Variants in PSTPIP2 observed in about 807,000 individuals in gnomAD.
PSTPIP2 encodes the protein proline-serine-threonine phosphatase-interacting protein 2.
PSTPIP2 carries 33 observed loss-of-function variants against 63.3 expected under a neutral mutation model. The observed-to-expected ratio is 0.52, with a 90% CI of 0.40 to 0.70. The LOEUF (loss-of-function observed/expected upper bound fraction) is 0.70, where lower values mean the gene tolerates loss of function less well. PSTPIP2 is among the 30% of genes least tolerant of loss of function. PSTPIP2 has a pLI of 0.00. For synonymous variants in PSTPIP2, 125 were observed against 132.7 expected (o/e 0.94, Z 0.40); for missense variants, 312 against 400.7 (o/e 0.78, Z 1.89).
intron 1 of PSTPIP2, among the ~76,000 whole-genome samples, chr18:46,058,663 A>C (rs894079030): frequency 2.0e-5 from 3 of 152,152 alleles, no homozygotes; most frequent in Non-Finnish European, 4.4e-5. Context: ...CTGGCCCTAC[A>C]TTCCTAGTTT....
intron 1 of PSTPIP2, among the ~76,000 whole-genome samples, chr18:46,070,596 C>T (rs919039221): frequency 6.6e-6 from 1 of 152,218 alleles, no homozygotes; most frequent in Non-Finnish European, 1.5e-5. Context: ...TCACTGCAAC[C>T]TCAAACTCCT....
intron 6 of PSTPIP2, 98 bp from the exon 7 acceptor site, chr18:45,999,632 G>A (rs554164802): frequency 1.7e-4 from 203 of 1,160,540 alleles, no homozygotes; most frequent in African/African-American, 9.4e-4. Context: ...GGACAGGGCC[G>A]TCTGATTAGT....
chr18:46,013,614 G>C (rs4890613), intron 4 of PSTPIP2, among the ~76,000 whole-genome samples: 2 of 151,742 alleles, frequency 1.3e-5, no homozygotes, highest in Non-Finnish European at 2.9e-5. Context: ...TGAATTCCAA[G>C]TTGCAGTTAT....
rs552189665 is a variant in PSTPIP2 at position 46,029,309 on chromosome 18, A to G, written c.135-4623T>C. ...GCATTGCTGGGTATTTGCATTTGCT[A>G]TCGATGAAGACCAAAGAACTGATTG... is the stretch of plus-strand genomic sequence containing the variant. On this transcript the variant is annotated intron_variant, in intron 2 of 14. Transcript: ENST00000409746. The G allele has an allele frequency of 4.2e-5, 64 of 1,521,852 alleles. No individual in the cohort carries two copies. In the South Asian group the frequency reaches 6.2e-4, roughly 15 times the overall value. The allele number at this position is 1,521,852 out of a possible 1,614,324, so 94.3% of individuals were successfully genotyped here.
Position 46,060,604 on chromosome 18 carries a change from C to T in PSTPIP2, c.33+11552G>A, listed in dbSNP as rs564399627. ...AGCTGTGGCTGCCATTGGCTGGTGG[C>T]CTTGCCCTCTCCATTTTCTGTTCTC... On this transcript the variant is annotated intron_variant, in intron 1 of 14. Transcript: ENST00000409746. Among the ~76,000 whole-genome samples the T allele has an allele frequency of 7.5e-3, 1,144 of 152,328 alleles. 3 individuals carry two copies. Among genetic ancestry groups the T allele is most frequent in the Non-Finnish European group, 0.011 (773 of 68,038 alleles).
rs146247277 is a variant in PSTPIP2 at position 46,017,686 on chromosome 18, C to T, written c.213-1749G>A. On this transcript the variant is annotated intron_variant, in intron 3 of 14. Transcript: ENST00000409746. ...TATATTTATCATGTACAAAATGATG[C>T]TTTGAAATATGTACTTTGTGGAATG... Among the ~76,000 whole-genome samples, 814 of 151,934 alleles carry T rather than the reference C, an allele frequency of 5.4e-3. 9 individuals are homozygous for T. The highest frequency in any genetic ancestry group is 0.014 in the Middle Eastern group (4 of 294).
At chr18:46,025,663 T>C (rs1907552075) in intron 2 of PSTPIP2, among the ~76,000 whole-genome samples, 1 of 149,856 alleles carries the variant, frequency 6.7e-6, no homozygotes, top group Non-Finnish European at 1.5e-5. Flanking sequence ...TCCTGAGTTA[T>C]TTCCAGTTTT....
chr18:46,026,744 G>A (rs1394995070), intron 2 of PSTPIP2, among the ~76,000 whole-genome samples: 1 of 152,056 alleles, frequency 6.6e-6, no homozygotes, highest in African/African-American at 2.4e-5. Context: ...TGAAATAAAC[G>A]GGTGTGGTGG....
At chr18:46,070,928 T>A (rs1909371162) in intron 1 of PSTPIP2, among the ~76,000 whole-genome samples, 1 of 152,150 alleles carries the variant, frequency 6.6e-6, no homozygotes, top group South Asian at 2.1e-4. Flanking sequence ...CCAGTTTGTA[T>A]TATACAGAGC....
At chr18:46,013,819 T>A (rs2051825592) in intron 4 of PSTPIP2, among the ~76,000 whole-genome samples, 1 of 152,040 alleles carries the variant, frequency 6.6e-6, no homozygotes, top group Non-Finnish European at 1.5e-5. Flanking sequence ...GAAATAGAAC[T>A]TCACCCCAAC....
At chr18:46,015,755 C>G (rs1362649765) in intron 4 of PSTPIP2, 148 bp downstream of exon 4, 3 of 806,830 alleles carry the variant, frequency 3.7e-6, no homozygotes, top group South Asian at 1.8e-5. Context: ...TCATTTCGAG[C>G]CTGCAGAGCT....
chr18:46,006,926 A>G (rs2051735240), intron 5 of PSTPIP2, among the ~76,000 whole-genome samples: 1 of 152,228 alleles, frequency 6.6e-6, no homozygotes, highest in Non-Finnish European at 1.5e-5. Context: ...TTAACATACC[A>G]AAGTAACACA....
At chr18:46,030,966 A>T (rs1216608188) in intron 2 of PSTPIP2, among the ~76,000 whole-genome samples, 1 of 152,230 alleles carries the variant, frequency 6.6e-6, no homozygotes, top group Non-Finnish European at 1.5e-5. Context: ...TAATTCAATA[A>T]CTTAGCCAGG....
chr18:46,046,842 C>A lies in PSTPIP2; in HGVS notation c.34-6795G>T, dbSNP rs74557773. On this transcript the variant is annotated intron_variant, in intron 1 of 14. Coordinates refer to ENST00000409746, the MANE Select transcript of PSTPIP2 (RefSeq NM_024430.4). ...GCTTTTGGAAGCCCAGAGAGCCCCA[C>A]TAGAACAGGGAGGAGGCCAGTTACT... 7.8e-3 allele frequency among the ~76,000 whole-genome samples: 1,190 copies of A among 152,372 alleles called. 9 individuals carry two copies. The highest frequency in any genetic ancestry group is 0.013 in the Non-Finnish European group (894 of 68,038).
intron 5 of PSTPIP2, among the ~76,000 whole-genome samples, chr18:46,010,140 G>C (rs1203959867): frequency 1.3e-5 from 2 of 152,202 alleles, no homozygotes; most frequent in African/African-American, 4.8e-5. Flanking sequence ...CACCATAGAG[G>C]CCAGTGGCCG....
rs754853461 is a variant in PSTPIP2 at position 46,059,608 on chromosome 18, TA to T, written c.33+12547del. On this transcript the variant is annotated intron_variant, in intron 1 of 14. Transcript: ENST00000409746. The stretch of plus-strand genomic sequence containing the variant: ...TTGTTGAAAATTTTTAAGTATAGAT[TA>T]AAAAAAAGAAAATAATATTTTTCAA... Among the ~76,000 whole-genome samples the T allele has an allele frequency of 3.4e-4, 51 of 151,992 alleles. 1 individual carries two copies. Among genetic ancestry groups the T allele is most frequent in the Middle Eastern group, 3.4e-3 (1 of 294 alleles).
intron 1 of PSTPIP2, among the ~76,000 whole-genome samples, chr18:46,042,693 C>T (rs1908235491): frequency 6.6e-6 from 1 of 152,138 alleles, no homozygotes. Context: ...TGAATGGGTA[C>T]CAAATGGTCA....
At chr18:46,009,378 AAAAAAAAAAAAAAC>A (rs1346800871) in intron 5 of PSTPIP2, among the ~76,000 whole-genome samples, 12 of 136,860 alleles carry the variant, frequency 8.8e-5, no homozygotes, top group East Asian at 2.3e-4. Flanking sequence ...AAAAAAAAAA[AAAAAAAAAAAAAAC>A]CTAGCTAAAT....
chr18:46,051,467 C>G (rs751938450), intron 1 of PSTPIP2, among the ~76,000 whole-genome samples: 9 of 151,834 alleles, frequency 5.9e-5, no homozygotes, highest in Non-Finnish European at 1.3e-4. Context: ...GAGCAAGACT[C>G]TGTCTCAAGA....
Sources: gnomAD v4.1 joint callset for allele counts (sites outside exome capture counted in the v4.1 genomes callset) on GRCh38, gnomAD v4.1.1 for gene constraint, MANE v1.5 for transcripts, NCBI Gene and HGNC (gene_info 2026-07-23, HGNC 2026-07-21) for gene names.